Variants in UBE2E2 observed in about 807,000 individuals in gnomAD.
The protein encoded by UBE2E2 is ubiquitin-conjugating enzyme E2 E2.
UBE2E2 carries 6 observed loss-of-function variants against 24.7 expected under a neutral mutation model. That is an observed-to-expected ratio of 0.24 (90% confidence interval 0.13 to 0.48). The LOEUF is 0.48. Ranked by LOEUF, UBE2E2 falls within the 20% of genes least tolerant of loss-of-function variation. The pLI, the probability that UBE2E2 is intolerant of heterozygous loss-of-function variation, is 0.99. For missense variants in UBE2E2, 169 were observed against 245.0 expected (o/e 0.69, Z 2.07); for synonymous variants, 104 against 83.6 (o/e 1.24, Z -1.33).
intron 3 of UBE2E2, among the ~76,000 whole-genome samples, chr3:23,318,960 G>T (rs931549359): frequency 2.1e-4 from 32 of 152,260 alleles, no homozygotes; most frequent in African/African-American, 7.5e-4. Flanking sequence ...TTTTAAGATT[G>T]CATCTTTTCC....
At chr3:23,300,341 T>C (rs999038543) in intron 3 of UBE2E2, among the ~76,000 whole-genome samples, 1 of 152,316 alleles carries the variant, frequency 6.6e-6, no homozygotes, top group East Asian at 1.9e-4. Flanking sequence ...GTTAGCTGGT[T>C]ATTTTGCTCG....
chr3:23,357,859 C>T (rs886067476), intron 3 of UBE2E2, among the ~76,000 whole-genome samples: 2 of 150,800 alleles, frequency 1.3e-5, no homozygotes, highest in Non-Finnish European at 3.0e-5. Context: ...TTTTTTTTGA[C>T]ACAAGGTCTC....
At chr3:23,273,954 G>A (rs1698317245) in intron 3 of UBE2E2, 1 of 152,174 alleles carries the variant, frequency 6.6e-6, no homozygotes, top group Admixed American at 6.5e-5. Context: ...TGATCCAGAT[G>A]TTAACAAACT....
rs538714250 is a variant in UBE2E2 at position 23,319,517 on chromosome 3, C to A, written c.227+102205C>A. Among the ~76,000 whole-genome samples, 9 of 152,200 alleles carry A rather than the reference C, an allele frequency of 5.9e-5. No individual in the cohort carries two copies. In the South Asian group the frequency reaches 1.9e-3, roughly 32 times the overall value. On this transcript the variant is annotated intron_variant, in intron 3 of 5. Transcript: ENST00000396703. ...TTTGTATTAACAAATTTAATTCTTACAACAATCCTGTGACCAAAAGCTATC... is the reference window on the plus strand; with the variant it reads ...TTTGTATTAACAAATTTAATTCTTAAAACAATCCTGTGACCAAAAGCTATC...
chr3:23,270,892 T>C (rs1698222171), intron 3 of UBE2E2: 3 of 455,986 alleles, frequency 6.6e-6, no homozygotes, highest in East Asian at 1.4e-4. Flanking sequence ...AGAACGATAA[T>C]TGTCTAACAT....
chr3:23,261,988 C>G (rs574315264), intron 3 of UBE2E2, among the ~76,000 whole-genome samples: 7 of 152,142 alleles, frequency 4.6e-5, no homozygotes, highest in Non-Finnish European at 1.0e-4. Context: ...TGGATATAGA[C>G]CCAGAAGTAG....
At chr3:23,551,308 A>G (rs2125498754) in intron 5 of UBE2E2, among the ~76,000 whole-genome samples, 1 of 152,348 alleles carries the variant, frequency 6.6e-6, no homozygotes, top group East Asian at 1.9e-4. Flanking sequence ...TTACTAAAGC[A>G]TTATAACTTT....
intron 3 of UBE2E2, among the ~76,000 whole-genome samples, chr3:23,395,819 A>G (rs890361934): frequency 6.6e-6 from 1 of 152,174 alleles, no homozygotes; most frequent in African/African-American, 2.4e-5. Flanking sequence ...CAGGTGTGTG[A>G]TGATTATTTC....
intron 3 of UBE2E2, among the ~76,000 whole-genome samples, chr3:23,348,154 G>C (rs1414504155): frequency 2.0e-5 from 3 of 152,058 alleles, no homozygotes; most frequent in Non-Finnish European, 4.4e-5. Flanking sequence ...ACTTAAGGAG[G>C]TCACTATATC....
chr3:23,332,641 A>T (rs532545511), intron 3 of UBE2E2, among the ~76,000 whole-genome samples: 1 of 145,912 alleles, frequency 6.9e-6, no homozygotes, highest in Non-Finnish European at 1.5e-5. Context: ...TTTGAACACA[A>T]ATTTTAGCTT....
intron 3 of UBE2E2, among the ~76,000 whole-genome samples, chr3:23,451,399 A>T (rs1444034048): frequency 1.3e-5 from 2 of 152,150 alleles, no homozygotes; most frequent in African/African-American, 4.8e-5. Flanking sequence ...AGCAATACTT[A>T]TAATTTTACA....
intron 3 of UBE2E2, among the ~76,000 whole-genome samples, chr3:23,487,033 C>A (rs1417928046): frequency 6.6e-6 from 1 of 152,192 alleles, no homozygotes; most frequent in Non-Finnish European, 1.5e-5. Context: ...GCTGTCTATG[C>A]TGAGGGGTGC....
At chr3:23,505,786 C>T (rs528367708) in intron 4 of UBE2E2, among the ~76,000 whole-genome samples, 6 of 152,246 alleles carry the variant, frequency 3.9e-5, no homozygotes, top group African/African-American at 1.2e-4. Context: ...TCAGCTAATG[C>T]GGAAGGCCTT....
chr3:23,508,454 C>T (rs1306984418), intron 4 of UBE2E2, among the ~76,000 whole-genome samples: 3 of 152,128 alleles, frequency 2.0e-5, no homozygotes, highest in South Asian at 2.1e-4. Context: ...TTGTTCCTAG[C>T]TTTCTATAGT....
intron 4 of UBE2E2, among the ~76,000 whole-genome samples, chr3:23,507,732 TATG>T (rs1166258137): frequency 1.3e-5 from 2 of 152,242 alleles, no homozygotes; most frequent in Admixed American, 6.5e-5. Flanking sequence ...TACACTCTGG[TATG>T]AATTAATTAT....
At chr3:23,272,212 G>A (rs1054698011) in intron 3 of UBE2E2, among the ~76,000 whole-genome samples, 2 of 152,140 alleles carry the variant, frequency 1.3e-5, no homozygotes, top group South Asian at 2.1e-4. Flanking sequence ...AGTGTGGCAC[G>A]GGCAGTCTGG....
chr3:23,295,409 TAA>T (rs1698882653), intron 3 of UBE2E2, among the ~76,000 whole-genome samples: 1 of 152,190 alleles, frequency 6.6e-6, no homozygotes, highest in South Asian at 2.1e-4. Context: ...CAGATTCCTC[TAA>T]AGAGGGCTGC....
At chr3:23,268,885 G>A (rs1381276479) in intron 3 of UBE2E2, among the ~76,000 whole-genome samples, 2 of 151,874 alleles carry the variant, frequency 1.3e-5, no homozygotes, top group Non-Finnish European at 2.9e-5. Flanking sequence ...ACAGAGCCCT[G>A]AGAAATAACG....
At chr3:23,426,540 C>G (rs1025374749) in intron 3 of UBE2E2, among the ~76,000 whole-genome samples, 1 of 151,870 alleles carries the variant, frequency 6.6e-6, no homozygotes, top group Non-Finnish European at 1.5e-5. Flanking sequence ...AGAATTATAT[C>G]CAACATTTCC....
Sources: allele counts gnomAD v4.1 joint callset (sites outside exome capture counted in the v4.1 genomes callset), GRCh38; gene constraint gnomAD v4.1.1; transcripts MANE v1.5; gene names NCBI Gene and HGNC (gene_info 2026-07-23, HGNC 2026-07-21).